PCDHA6: variants seen among roughly 807,000 people sequenced by gnomAD.
PCDHA6 encodes protocadherin alpha-6.
Under a neutral mutation model 60.3 loss-of-function variants are expected in PCDHA6, and 55 were observed. The ratio of observed to expected loss-of-function variants is 0.91; its 90% CI spans 0.73 to 1.14. The LOEUF (loss-of-function observed/expected upper bound fraction) is 1.14, where lower values mean the gene tolerates loss of function less well. Among genes scored for constraint, PCDHA6 ranks in the 50% most tolerant of loss-of-function variants. The probability of loss-of-function intolerance (pLI) is 0.00; values close to 1 mark genes in which losing one functional copy is unlikely to be tolerated. For synonymous variants in PCDHA6, 652 were observed against 557.9 expected (o/e 1.17, Z -2.38); for missense variants, 1,327 against 1,256.5 (o/e 1.06, Z -0.85).
intron 1 of PCDHA6, among the ~76,000 whole-genome samples, chr5:140,909,839 C>A (rs2074714040): frequency 1.3e-5 from 2 of 152,146 alleles, no homozygotes; most frequent in Admixed American, 6.5e-5. Context: ...GGAGGACCAC[C>A]AGGACGTTTT....
chr5:140,877,433 A>G, intron 1 of PCDHA6: 8 of 1,613,774 alleles, frequency 5.0e-6, no homozygotes, highest in Non-Finnish European at 6.8e-6. Context: ...GTGAAGGACC[A>G]CGGTGAGCCC....
At chr5:140,871,528 T>C (rs373016617) in intron 1 of PCDHA6, 418 of 1,530,484 alleles carry the variant, frequency 2.7e-4, no homozygotes, top group Non-Finnish European at 3.4e-4. Flanking sequence ...TATCAGGAAG[T>C]GTATGTGAAA....
Position 140,831,520 on chromosome 5 carries a change from CT to C in PCDHA6, c.2394+1059del, listed in dbSNP as rs2150195630. On this transcript the variant is annotated intron_variant, in intron 1 of 3. Coordinates refer to ENST00000529310, the MANE Select transcript of PCDHA6 (RefSeq NM_018909.4). ...ACACGAGCACCACCATGCCCCCCAC[CT>C]TTTTTTTTTTTTTTTTTTTTTTTAA... Among the ~76,000 whole-genome samples the C allele has an allele frequency of 5.3e-3, 643 of 122,360 alleles. 1 individual carries two copies. The highest frequency in any genetic ancestry group is 0.013 in the Middle Eastern group (3 of 240). The allele number at this position is 122,360 out of a possible 152,430, so 80.3% of individuals were successfully genotyped here. A position where few individuals can be genotyped will look rare whatever the true frequency, so the allele number is the denominator to read the frequency against.
chr5:140,843,306 C>G, intron 1 of PCDHA6: 1 of 1,596,008 alleles, frequency 6.3e-7, no homozygotes, highest in East Asian at 2.2e-5. Context: ...CTGACCGCCA[C>G]GGCCACGGTT....
At chr5:140,877,207 G>C in intron 1 of PCDHA6, 3 of 1,613,796 alleles carry the variant, frequency 1.9e-6, no homozygotes, top group Non-Finnish European at 2.5e-6. Context: ...CGCAGTTAGC[G>C]AGTTGGTACC....
chr5:140,903,543 A>C (rs1309997907), intron 1 of PCDHA6, among the ~76,000 whole-genome samples: 2 of 152,206 alleles, frequency 1.3e-5, no homozygotes, highest in East Asian at 3.8e-4. Flanking sequence ...TAGAGCAAGA[A>C]ACTTTTCTAA....
chr5:140,927,506 C>G (rs1554204645), intron 1 of PCDHA6: 1 of 1,614,128 alleles, frequency 6.2e-7, no homozygotes, highest in Non-Finnish European at 8.5e-7. Context: ...GTGCTTACAG[C>G]TCGGGACGGC....
intron 1 of PCDHA6, among the ~76,000 whole-genome samples, chr5:140,959,188 G>A (rs782018838): frequency 6.6e-6 from 1 of 151,982 alleles, no homozygotes; most frequent in Non-Finnish European, 1.5e-5. Context: ...ACCAGTCTGG[G>A]CAACATGGTG....
chr5:140,978,836 A>G (rs891146888), intron 1 of PCDHA6, 113 bp from the exon 2 acceptor site: 1 of 1,552,522 alleles, frequency 6.4e-7, no homozygotes, highest in Non-Finnish European at 8.7e-7. Context: ...GGCTCATTCA[A>G]TACTTTTTTA....
intron 1 of PCDHA6, among the ~76,000 whole-genome samples, chr5:140,938,387 A>G (rs2092042874): frequency 6.6e-6 from 1 of 152,220 alleles, no homozygotes. Flanking sequence ...AATATTTAAT[A>G]TGAAATACAT....
rs2150164788 is a variant in PCDHA6, at chr5:140,829,255, G to T, written c.1164G>T (p.Ser388=). The T allele has an allele frequency of 3.7e-6, 6 of 1,614,078 alleles. No homozygotes were observed. Among genetic ancestry groups the T allele is most frequent in the Non-Finnish European group, 4.2e-6 (5 of 1,180,050 alleles). Residue 388 remains serine, a synonymous_variant, in exon 1 of 4, where the codon TCG becomes TCT. Coordinates refer to ENST00000529310, the MANE Select transcript of PCDHA6 (RefSeq NM_018909.4). The stretch of plus-strand genomic sequence containing the variant: ...GTGCCAACGGGCAGGTGAACTGCTC[G>T]CTGACGCCTCACGTCCCTTTCAAGC... ...DSGANGQVNC[S]LTPHVPFKLV...
At chr5:140,893,612 T>C (rs1455928353) in intron 1 of PCDHA6, among the ~76,000 whole-genome samples, 1 of 152,240 alleles carries the variant, frequency 6.6e-6, no homozygotes, top group Non-Finnish European at 1.5e-5. Flanking sequence ...CCTTCATTTC[T>C]GAAGTATAGC....
At chr5:140,947,648 T>C (rs1476825159) in intron 1 of PCDHA6, among the ~76,000 whole-genome samples, 1 of 151,646 alleles carries the variant, frequency 6.6e-6, no homozygotes, top group Non-Finnish European at 1.5e-5. Context: ...TGAACATATA[T>C]ACCTCCATTT....
chr5:140,968,694 G>A, intron 1 of PCDHA6: 1 of 1,614,092 alleles, frequency 6.2e-7, no homozygotes, highest in Non-Finnish European at 8.5e-7. Flanking sequence ...GGAGAAATTA[G>A]GACTACCAGG....
At chr5:140,896,113 T>G (rs10053583) in intron 1 of PCDHA6, among the ~76,000 whole-genome samples, 1 of 152,170 alleles carries the variant, frequency 6.6e-6, no homozygotes, top group East Asian at 1.9e-4. Flanking sequence ...GCCTGGCCAA[T>G]GTACTGCATT....
chr5:141,000,395 C>CTCTATAAATA (rs1213762225), intron 3 of PCDHA6, among the ~76,000 whole-genome samples: 2 of 53,986 alleles, frequency 3.7e-5, no homozygotes, highest in African/African-American at 1.5e-4. Flanking sequence ...CTCTCTCTCT[C>CTCTATAAATA]TATATATATA....
In PCDHA6 at chr5:140,876,987, G is replaced by C. The variant is rs782251799; in HGVS notation, c.2394+46502G>C. 11 of 1,612,658 alleles carry C rather than the reference G, an allele frequency of 6.8e-6. No homozygotes were observed. The South Asian group carries it at 9.9e-5, about 14-fold the overall frequency. ...GGCGGGTGGGCGAGCACGCACTGTC[G>C]AGCTACGTGTCGGTGCACGCGGAGA... On this transcript the variant is annotated intron_variant, in intron 1 of 3. Coordinates refer to ENST00000529310, the MANE Select transcript of PCDHA6 (RefSeq NM_018909.4).
chr5:140,960,788 G>A (rs1268913888), intron 1 of PCDHA6, among the ~76,000 whole-genome samples: 1 of 152,086 alleles, frequency 6.6e-6, no homozygotes, highest in Non-Finnish European at 1.5e-5. Context: ...GCCAAACAAG[G>A]TTTCTATTAA....
chr5:140,849,635 T>A (rs2150443379), intron 1 of PCDHA6: 1 of 1,598,758 alleles, frequency 6.3e-7, no homozygotes, highest in South Asian at 1.1e-5. Flanking sequence ...TAGACGCAGA[T>A]GCCAACGGGC....
Sources: gnomAD v4.1 joint callset for allele counts (sites outside exome capture counted in the v4.1 genomes callset) on GRCh38, gnomAD v4.1.1 for gene constraint, MANE v1.5 for transcripts, NCBI Gene and HGNC (gene_info 2026-07-23, HGNC 2026-07-21) for gene names.